Variants in PKD1L1 observed in about 807,000 individuals in gnomAD.
PKD1L1 encodes polycystin 1 like 1, transient receptor potential channel interacting.
In PKD1L1, 236 loss-of-function variants were observed where a neutral mutation model predicts 323.4. The observed-to-expected ratio is 0.73, with a 90% CI of 0.66 to 0.81. The LOEUF (loss-of-function observed/expected upper bound fraction) is 0.81. Among genes scored for constraint, PKD1L1 ranks in the 40% least tolerant of loss-of-function variants. The probability of loss-of-function intolerance (pLI) is 0.00; values close to 1 mark genes in which losing one functional copy is unlikely to be tolerated. For synonymous variants in PKD1L1, 1,344 were observed against 1,335.0 expected (o/e 1.01, Z -0.15); for missense variants, 3,320 against 3,508.0 (o/e 0.95, Z 1.35).
intron 19 of PKD1L1, among the ~76,000 whole-genome samples, chr7:47,882,613 T>C (rs1003840158): frequency 6.9e-6 from 1 of 144,312 alleles, no homozygotes; most frequent in African/African-American, 2.6e-5. Context: ...TTCAAGCATC[T>C]GAAGGAAGGA....
chr7:47,814,552 G>A (rs922615778), intron 47 of PKD1L1, among the ~76,000 whole-genome samples: 4 of 151,972 alleles, frequency 2.6e-5, no homozygotes, highest in South Asian at 4.2e-4. Flanking sequence ...GCTAATTTTT[G>A]TATTTTTAGT....
At chr7:47,877,348 T>G in intron 22 of PKD1L1, 141 bp downstream of exon 22, 1 of 1,243,328 alleles carries the variant, frequency 8.0e-7, no homozygotes, top group Non-Finnish European at 1.1e-6. Context: ...CTAACCAACT[T>G]TCCAACATTC....
intron 56 of PKD1L1, among the ~76,000 whole-genome samples, chr7:47,780,112 C>T (rs1275777035): frequency 1.3e-5 from 2 of 152,028 alleles, no homozygotes; most frequent in Non-Finnish European, 2.9e-5. Flanking sequence ...GTACCTTTTA[C>T]CAGGTTTTCC....
chr7:47,943,854 C>G (rs1788046626), intron 1 of PKD1L1, among the ~76,000 whole-genome samples: 1 of 152,186 alleles, frequency 6.6e-6, no homozygotes, highest in East Asian at 1.9e-4. Context: ...TTCCAGGGCT[C>G]CTCTTCCTCC....
chr7:47,930,047 C>T (rs17711336), intron 6 of PKD1L1, among the ~76,000 whole-genome samples: 11,131 of 152,252 alleles, frequency 0.073, 483 homozygotes, highest in East Asian at 0.14. Context: ...TCTCAGCTTC[C>T]AATCACACAG....
intron 54 of PKD1L1, among the ~76,000 whole-genome samples, chr7:47,797,208 C>A (rs1784562861): frequency 6.6e-6 from 1 of 152,202 alleles, no homozygotes; most frequent in Non-Finnish European, 1.5e-5. Context: ...TCTCTCTCTG[C>A]TGCCCCTCTC....
chr7:47,835,558 GC>G (rs1031437406), intron 37 of PKD1L1, among the ~76,000 whole-genome samples: 4 of 151,864 alleles, frequency 2.6e-5, no homozygotes, highest in African/African-American at 9.7e-5. Flanking sequence ...GCACCACCAC[GC>G]CCAGCTAATT....
rs551692158 is a variant in PKD1L1, at chr7:47,931,377, A to G, written c.520-56T>C. The G allele has an allele frequency of 2.8e-4, 437 of 1,559,280 alleles. 9 individuals carry two copies. The South Asian group carries it at 4.7e-3, about 17-fold the overall frequency. On this transcript the variant is annotated intron_variant, in intron 5 of 56. Transcript: ENST00000289672. ...TTGAATGGCCTCGTCTGGCATCAGT[A>G]GCTGATGTCCGCCATGCTCAAAAAG...
intron 44 of PKD1L1, among the ~76,000 whole-genome samples, chr7:47,828,797 T>C (rs761759200): frequency 1.3e-5 from 2 of 152,132 alleles, no homozygotes; most frequent in African/African-American, 4.8e-5. Flanking sequence ...AGGGTGGAGA[T>C]GAGGAGAGGC....
chr7:47,860,602 G>A (rs1174166713), intron 26 of PKD1L1, among the ~76,000 whole-genome samples: 2 of 152,080 alleles, frequency 1.3e-5, no homozygotes, highest in African/African-American at 4.8e-5. Flanking sequence ...TTTACATGAG[G>A]TAGCTTACCA....
chr7:47,909,396 CA>C (rs1311154445), intron 8 of PKD1L1, among the ~76,000 whole-genome samples: 1 of 152,172 alleles, frequency 6.6e-6, no homozygotes, highest in Non-Finnish European at 1.5e-5. Flanking sequence ...GGCCGGTCTC[CA>C]TCACAAATAT....
chr7:47,831,072 T>G, intron 42 of PKD1L1, 145 bp downstream of exon 42: 3 of 1,134,748 alleles, frequency 2.6e-6, no homozygotes, highest in Non-Finnish European at 2.5e-6. Context: ...CCCCAGGAGA[T>G]GGGAGGGAGA....
At chr7:47,853,004 C>A in intron 31 of PKD1L1, 123 bp downstream of exon 31, 1 of 713,802 alleles carries the variant, frequency 1.4e-6, no homozygotes, top group South Asian at 1.8e-5. Context: ...TATAAGCAAG[C>A]AGAGAAAGGA....
chr7:47,819,436 G>T, intron 46 of PKD1L1: 1 of 848,128 alleles, frequency 1.2e-6, no homozygotes, highest in South Asian at 1.7e-5. Flanking sequence ...ACTAGCAAAA[G>T]CCAGAGGTTT....
At chr7:47,886,689 C>CCTCCCTTTTA (rs1356423130) in intron 17 of PKD1L1, among the ~76,000 whole-genome samples, 2 of 152,154 alleles carry the variant, frequency 1.3e-5, no homozygotes, top group African/African-American at 4.8e-5. Flanking sequence ...TCCCTTTTGC[C>CCTCCCTTTTA]CTCCACCATG....
intron 54 of PKD1L1, 78 bp from the exon 55 acceptor site, chr7:47,796,228 G>A (rs1784524114): frequency 3.2e-6 from 4 of 1,255,040 alleles, no homozygotes; most frequent in Non-Finnish European, 4.4e-6. Context: ...GATAAACTAT[G>A]CAATGGAGAT....
chr7:47,836,884 T>C (rs777862129), intron 37 of PKD1L1, 37 bp downstream of exon 37: 2 of 1,599,110 alleles, frequency 1.3e-6, no homozygotes, highest in East Asian at 2.2e-5. Flanking sequence ...TGTAGTCGGA[T>C]CTGGAAGCTG....
At chr7:47,957,453 C>T in the PKD1L1 span, 4 of 152,070 alleles carry the variant, frequency 2.6e-5, no homozygotes, top group African/African-American at 4.8e-5. Context: ...AAAAACTGTT[C>T]GAACTAAAAA....
chr7:47,884,107 C>T (rs1245250600), intron 19 of PKD1L1, among the ~76,000 whole-genome samples: 2 of 151,264 alleles, frequency 1.3e-5, no homozygotes, highest in East Asian at 3.9e-4. Context: ...CACTAAGTGC[C>T]AGGTGCCACC....
Sources: gnomAD v4.1 joint callset for allele counts (sites outside exome capture counted in the v4.1 genomes callset) on GRCh38, gnomAD v4.1.1 for gene constraint, MANE v1.5 for transcripts, NCBI Gene and HGNC (gene_info 2026-07-23, HGNC 2026-07-21) for gene names.